FRMD5: variants seen among roughly 807,000 people sequenced by gnomAD.
FRMD5 encodes the protein FERM domain-containing protein 5.
In FRMD5, 20 loss-of-function variants were observed where a neutral mutation model predicts 69.0. That is an observed-to-expected ratio of 0.29 (90% CI 0.20 to 0.42). The LOEUF (loss-of-function observed/expected upper bound fraction) is 0.42. Among genes scored for constraint, FRMD5 ranks in the 10% least tolerant of loss-of-function variants. The pLI is 1.00. For missense variants in FRMD5, 595 were observed against 708.6 expected, an observed-to-expected ratio of 0.84 and a Z score of 1.82; for synonymous variants, 271 against 260.1, an observed-to-expected ratio of 1.04 and a Z score of -0.40.
intron 1 of FRMD5, among the ~76,000 whole-genome samples, chr15:43,992,479 A>C (rs552797135): frequency 6.6e-6 from 1 of 151,884 alleles, no homozygotes; most frequent in South Asian, 2.1e-4. Context: ...CTGGGTTCAA[A>C]CAATTCTCCT....
Position 43,905,892 on chromosome 15 carries a change from A to G in FRMD5, c.487T>C (p.Phe163Leu). ...AGCTTCTCTGAATGTTTAGGGAAAA[A>G]CTGGAACTTGGAGCTGTAGCCTTCA... is the stretch of plus-strand genomic sequence containing the variant. ...HPEGYSSKFQ[F>L]FPKHSEKLER... The change falls in exon 6 of 14, where the codon TTT becomes CTT. Residue 163 changes from phenylalanine to leucine, a missense_variant. Transcript: ENST00000417257. 6.2e-7 allele frequency: 1 copy of G among 1,614,226 alleles called. No individual in the cohort carries two copies. The highest frequency in any genetic ancestry group is 1.3e-5 in the African/African-American group (1 of 75,066).
At chr15:44,153,663 G>C (rs558463924) in intron 1 of FRMD5, among the ~76,000 whole-genome samples, 27 of 152,200 alleles carry the variant, frequency 1.8e-4, no homozygotes, top group Non-Finnish European at 3.8e-4. Flanking sequence ...CATCTGACTG[G>C]ACTGTACATT....
At chr15:43,919,074 G>C in intron 4 of FRMD5, 1 of 328,702 alleles carries the variant, frequency 3.0e-6, no homozygotes, top group African/African-American at 2.1e-5. Context: ...CATTTTCCAA[G>C]TATATCCATT....
intron 1 of FRMD5, among the ~76,000 whole-genome samples, chr15:44,160,995 C>T (rs915310911): frequency 4.7e-4 from 71 of 152,328 alleles, no homozygotes; most frequent in African/African-American, 1.6e-3. Context: ...GCAGGTAATT[C>T]ACTAAATAGC....
chr15:44,074,689 G>A (rs1455700524), intron 1 of FRMD5, among the ~76,000 whole-genome samples: 1 of 152,022 alleles, frequency 6.6e-6, no homozygotes, highest in Non-Finnish European at 1.5e-5. Context: ...AGGTCTTAGG[G>A]TTACAGGGAT....
intron 1 of FRMD5, among the ~76,000 whole-genome samples, chr15:44,061,238 GCTTT>G: frequency 6.6e-6 from 1 of 152,234 alleles, no homozygotes; most frequent in South Asian, 2.1e-4. Context: ...AGACATTCCA[GCTTT>G]TCTCAATATC....
At position 43,871,657 on chromosome 15, in the gene FRMD5, C is replaced by T. The variant is rs2088164079; in HGVS notation, c.*2228G>A. ...ACTGACCCCTAATCTCTACTAGGAT[C>T]TCCTTCGGTTTGTATTGTCACTCGA... On this transcript the variant is annotated 3_prime_UTR_variant, in exon 14 of 14. Coordinates refer to ENST00000417257, the MANE Select transcript of FRMD5 (RefSeq NM_032892.5). The T allele has an allele frequency of 6.6e-6, 1 of 152,228 alleles. No individual in the cohort carries two copies. The highest frequency in any genetic ancestry group is 1.5e-5 in the Non-Finnish European group (1 of 68,034). The allele number at this position is 152,228 out of a possible 1,614,324, so 9.4% of individuals were successfully genotyped here.
chr15:44,104,713 T>C (rs1354605311), intron 1 of FRMD5, among the ~76,000 whole-genome samples: 2 of 152,198 alleles, frequency 1.3e-5, no homozygotes, highest in Admixed American at 6.5e-5. Context: ...GGGTAGTATA[T>C]ATAGTAGGCT....
intron 1 of FRMD5, among the ~76,000 whole-genome samples, chr15:44,046,899 A>G (rs959169032): frequency 2.0e-5 from 3 of 152,162 alleles, no homozygotes; most frequent in African/African-American, 4.8e-5. Context: ...CTGAATACCA[A>G]CTGGAACCAT....
At chr15:44,061,224 A>G (rs1893076547) in intron 1 of FRMD5, among the ~76,000 whole-genome samples, 1 of 152,042 alleles carries the variant, frequency 6.6e-6, no homozygotes, top group Non-Finnish European at 1.5e-5. Context: ...ACTTCCCACA[A>G]CCTAGACATT....
intron 1 of FRMD5, among the ~76,000 whole-genome samples, chr15:43,976,050 A>G (rs558577162): frequency 1.3e-5 from 2 of 150,968 alleles, no homozygotes; most frequent in Admixed American, 1.3e-4. Flanking sequence ...GAACAGCGGG[A>G]TATCTATGTG....
rs544870485 is a variant in FRMD5 at position 44,049,548 on chromosome 15, C to A, written c.103-125239G>T. 5.3e-5 allele frequency among the ~76,000 whole-genome samples: 8 copies of A among 152,018 alleles called. No homozygotes were observed. The South Asian group carries it at 1.7e-3, about 32-fold the overall frequency. ...ATGTAAAAATGGAAAGTGACATAATCAAATTAACTCATTTATCAAATGAGG... is the reference window on the plus strand; with the variant it reads ...ATGTAAAAATGGAAAGTGACATAATAAAATTAACTCATTTATCAAATGAGG... On this transcript the variant is annotated intron_variant, in intron 1 of 13. Transcript: ENST00000417257.
At chr15:43,907,073 T>C (rs900620021) in intron 5 of FRMD5, among the ~76,000 whole-genome samples, 1 of 152,078 alleles carries the variant, frequency 6.6e-6, no homozygotes, top group African/African-American at 2.4e-5. Context: ...AATCCAGCTT[T>C]TTCCACGTGA....
At chr15:44,151,361 C>T (rs574526539) in intron 1 of FRMD5, among the ~76,000 whole-genome samples, 8 of 145,660 alleles carry the variant, frequency 5.5e-5, no homozygotes, top group Middle Eastern at 3.5e-3. Context: ...CGCGCCACTG[C>T]ACTCCAGCCT....
At chr15:43,906,529 G>A (rs1002360074) in intron 5 of FRMD5, among the ~76,000 whole-genome samples, 2 of 152,120 alleles carry the variant, frequency 1.3e-5, no homozygotes, top group African/African-American at 2.4e-5. Flanking sequence ...AGGTTCCTTC[G>A]AGAGGCCTAC....
At chr15:43,926,472 A>C (rs1465893806) in intron 1 of FRMD5, among the ~76,000 whole-genome samples, 2 of 152,234 alleles carry the variant, frequency 1.3e-5, no homozygotes, top group Non-Finnish European at 2.9e-5. Context: ...GCCATGGGTA[A>C]TTACAGAAGG....
intron 1 of FRMD5, among the ~76,000 whole-genome samples, chr15:44,018,511 A>G (rs1891068565): frequency 6.6e-6 from 1 of 152,202 alleles, no homozygotes; most frequent in Non-Finnish European, 1.5e-5. Flanking sequence ...GAAAAAAAGT[A>G]TCACTTTGGG....
intron 1 of FRMD5, among the ~76,000 whole-genome samples, chr15:43,977,708 T>G (rs1004137403): frequency 3.3e-5 from 5 of 152,240 alleles, no homozygotes; most frequent in African/African-American, 1.2e-4. Flanking sequence ...TCTGCAATTT[T>G]TCTGTTTGGA....
chr15:44,001,408 T>G (rs545784110), intron 1 of FRMD5, among the ~76,000 whole-genome samples: 1 of 152,180 alleles, frequency 6.6e-6, no homozygotes, highest in Non-Finnish European at 1.5e-5. Context: ...ACTTTTTAAT[T>G]TGATGTAGCC....
Sources: allele counts gnomAD v4.1 joint callset (sites outside exome capture counted in the v4.1 genomes callset), GRCh38; gene constraint gnomAD v4.1.1; transcripts MANE v1.5; gene names NCBI Gene and HGNC (gene_info 2026-07-23, HGNC 2026-07-21).